The following COL19A1 variants were observed in gnomAD, a reference collection of about 807,000 sequenced individuals.
COL19A1 encodes the protein collagen type XIX alpha 1 chain.
A neutral mutation model predicts 190.2 loss-of-function variants in COL19A1; 159 were observed. The observed-to-expected ratio is 0.84, with a 90% confidence interval of 0.73 to 0.95. COL19A1 has a LOEUF of 0.95. Ranked by LOEUF, COL19A1 falls within the 40% of genes least tolerant of loss-of-function variation. The pLI, the probability that COL19A1 is intolerant of heterozygous loss-of-function variation, is 0.00. For missense variants in COL19A1, 1,418 were observed against 1,431.9 expected, an observed-to-expected ratio of 0.99 and a Z score of 0.16; for synonymous variants, 509 against 458.9, an observed-to-expected ratio of 1.11 and a Z score of -1.39.
chr6:69,970,252 C>T (rs1775350120), intron 11 of COL19A1, among the ~76,000 whole-genome samples: 2 of 152,052 alleles, frequency 1.3e-5, no homozygotes, highest in Admixed American at 1.3e-4. Flanking sequence ...TTCCTTCTCC[C>T]ATGGCCTAAA....
chr6:69,905,117 C>G (rs1243958108), intron 4 of COL19A1, among the ~76,000 whole-genome samples: 1 of 152,116 alleles, frequency 6.6e-6, no homozygotes, highest in Non-Finnish European at 1.5e-5. Flanking sequence ...CGGGAGCCTT[C>G]AGGGGCCAAA....
intron 12 of COL19A1, among the ~76,000 whole-genome samples, chr6:70,027,462 C>T (rs891593486): frequency 3.3e-5 from 5 of 152,114 alleles, no homozygotes; most frequent in Admixed American, 2.6e-4. Context: ...TGTTTAGCAT[C>T]CTTGAAGCTC....
chr6:69,895,795 T>C (rs1769690177), intron 2 of COL19A1, among the ~76,000 whole-genome samples: 1 of 152,234 alleles, frequency 6.6e-6, no homozygotes, highest in Non-Finnish European at 1.5e-5. Context: ...TTGTTGCATG[T>C]ATCAATAGTT....
intron 4 of COL19A1, among the ~76,000 whole-genome samples, chr6:69,913,009 G>A (rs1276350543): frequency 1.3e-5 from 2 of 152,080 alleles, no homozygotes; most frequent in African/African-American, 4.8e-5. Flanking sequence ...GATTGCTTGA[G>A]CCCAGGGAGG....
chr6:69,982,651 A>C (rs1390900677), intron 11 of COL19A1, among the ~76,000 whole-genome samples: 4 of 151,702 alleles, frequency 2.6e-5, no homozygotes. Context: ...GTATCCTAGA[A>C]CCTTGGCATT....
intron 31 of COL19A1, among the ~76,000 whole-genome samples, chr6:70,153,830 G>C (rs559964423): frequency 2.0e-5 from 3 of 151,916 alleles, no homozygotes; most frequent in East Asian, 3.9e-4. Flanking sequence ...TAACTCCCCT[G>C]CCAACACATT....
At chr6:69,976,552 T>A (rs1237679551) in intron 11 of COL19A1, among the ~76,000 whole-genome samples, 1 of 151,950 alleles carries the variant, frequency 6.6e-6, no homozygotes, top group Non-Finnish European at 1.5e-5. Flanking sequence ...GAGGAGTGAG[T>A]ACATAACGCT....
chr6:69,931,015 A>C (rs1387314395), intron 6 of COL19A1, among the ~76,000 whole-genome samples: 2 of 152,228 alleles, frequency 1.3e-5, no homozygotes, highest in East Asian at 3.8e-4. Context: ...TGAGTTAAAC[A>C]AACAAAATAC....
At chr6:70,081,628 T>C (rs1782258956) in intron 15 of COL19A1, among the ~76,000 whole-genome samples, 1 of 152,146 alleles carries the variant, frequency 6.6e-6, no homozygotes, top group South Asian at 2.1e-4. Flanking sequence ...CTTAATGACA[T>C]GGCAAAAATT....
At chr6:69,915,609 G>C (rs1474328922) in intron 4 of COL19A1, among the ~76,000 whole-genome samples, 1 of 152,154 alleles carries the variant, frequency 6.6e-6, no homozygotes, top group Non-Finnish European at 1.5e-5. Context: ...GGAATGAATA[G>C]AATGAAAGTT....
At chr6:70,159,955 T>C (rs925409674) in intron 34 of COL19A1, among the ~76,000 whole-genome samples, 2 of 152,052 alleles carry the variant, frequency 1.3e-5, no homozygotes, top group African/African-American at 4.8e-5. Flanking sequence ...TTTAAAATAG[T>C]TTTTTCTCAT....
Position 70,117,780 on chromosome 6 carries a change from A to T in COL19A1, c.1279-4100A>T, listed in dbSNP as rs189304124. 1.4e-3 allele frequency among the ~76,000 whole-genome samples: 219 copies of T among 152,360 alleles called. 1 individual carries two copies. The highest frequency in any genetic ancestry group is 2.7e-3 in the Admixed American group (42 of 15,300). On this transcript the variant is annotated intron_variant, in intron 16 of 50. Coordinates refer to ENST00000620364, the MANE Select transcript of COL19A1 (RefSeq NM_001858.6). ...TCCCAATCCCATACAAATAGAGTGA[A>T]GCAAATCTCCGTAAAAAACAGACAT... is the stretch of plus-strand genomic sequence containing the variant.
At chr6:70,059,286 A>G (rs1301971885) in intron 14 of COL19A1, among the ~76,000 whole-genome samples, 1 of 152,160 alleles carries the variant, frequency 6.6e-6, no homozygotes, top group African/African-American at 2.4e-5. Flanking sequence ...ATACTTTAAA[A>G]TGAAACTTCC....
At chr6:70,197,974 T>C (rs1230300250) in intron 48 of COL19A1, among the ~76,000 whole-genome samples, 2 of 152,262 alleles carry the variant, frequency 1.3e-5, no homozygotes, top group Non-Finnish European at 2.9e-5. Flanking sequence ...TGGGCCTACA[T>C]TGTTTTTAAA....
chr6:70,072,757 C>T (rs1410144714), intron 15 of COL19A1, among the ~76,000 whole-genome samples: 1 of 152,102 alleles, frequency 6.6e-6, no homozygotes, highest in East Asian at 1.9e-4. Flanking sequence ...CTACCTACCC[C>T]TGCCCCCGTC....
In COL19A1 at chr6:70,027,818, G is replaced by A. The variant is rs1029366778; in HGVS notation, c.1080+4138G>A. Among the ~76,000 whole-genome samples the A allele has an allele frequency of 3.3e-5, 5 of 152,144 alleles. No homozygotes were observed. The South Asian group carries it at 6.2e-4, about 19-fold the overall frequency. On this transcript the variant is annotated intron_variant, in intron 12 of 50. Coordinates refer to ENST00000620364, the MANE Select transcript of COL19A1 (RefSeq NM_001858.6). ...CTAATACAAGATATATTTAACAAAGGTATCTTAGAATAGACTTGAGAGAGA... is the reference window on the plus strand; with the variant it reads ...CTAATACAAGATATATTTAACAAAGATATCTTAGAATAGACTTGAGAGAGA...
chr6:70,158,145 A>G (rs1787557679), intron 34 of COL19A1, among the ~76,000 whole-genome samples: 1 of 152,160 alleles, frequency 6.6e-6, no homozygotes, highest in Admixed American at 6.6e-5. Context: ...ATAAATCTGA[A>G]GTAAACTATT....
chr6:70,176,050 G>A (rs991655248), intron 41 of COL19A1, among the ~76,000 whole-genome samples: 4 of 151,922 alleles, frequency 2.6e-5, no homozygotes, highest in East Asian at 3.9e-4. Context: ...TCTTCTAATT[G>A]GCCAAATGAG....
chr6:70,056,224 A>T (rs1445057045), intron 14 of COL19A1, among the ~76,000 whole-genome samples: 1 of 152,154 alleles, frequency 6.6e-6, no homozygotes, highest in Admixed American at 6.5e-5. Flanking sequence ...ACATCTAAAA[A>T]TGTTTTGTTT....
Sources: gnomAD v4.1 joint callset for allele counts (sites outside exome capture counted in the v4.1 genomes callset) on GRCh38, gnomAD v4.1.1 for gene constraint, MANE v1.5 for transcripts, NCBI Gene and HGNC (gene_info 2026-07-23, HGNC 2026-07-21) for gene names.